AZIN2: variants seen among roughly 807,000 people sequenced by gnomAD.
The protein encoded by AZIN2 is ODC antizyme inhibitor-2.
Under a neutral mutation model 47.8 loss-of-function variants are expected in AZIN2, and 28 were observed. That is an observed-to-expected ratio of 0.59 (90% CI 0.43 to 0.80). The LOEUF is 0.80. Among genes scored for constraint, AZIN2 ranks in the 30% least tolerant of loss-of-function variants. The pLI is 0.00. For missense variants in AZIN2, 535 were observed against 582.5 expected, an observed-to-expected ratio of 0.92 and a Z score of 0.84; for synonymous variants, 221 against 239.4, an observed-to-expected ratio of 0.92 and a Z score of 0.71.
At chr1:33,146,464 A>C in the AZIN2 span, 1 of 158,888 alleles carries the variant, frequency 6.3e-6, no homozygotes, top group African/African-American at 2.4e-5. Context: ...CTTTTAGGCT[A>C]ATGGGCTCTG....
chr1:33,115,416 A>G (rs1401262137), intron 10 of AZIN2, among the ~76,000 whole-genome samples: 1 of 152,130 alleles, frequency 6.6e-6, no homozygotes. Flanking sequence ...TTAAAAAAAA[A>G]AAAATAGGCT....
intron 10 of AZIN2, among the ~76,000 whole-genome samples, chr1:33,105,774 A>G (rs971664167): frequency 6.6e-6 from 1 of 152,226 alleles, no homozygotes; most frequent in Non-Finnish European, 1.5e-5. Flanking sequence ...ACAAATGTGT[A>G]TGAGCACTTC....
the AZIN2 span, among the ~76,000 whole-genome samples, chr1:33,157,804 T>C: frequency 2.0e-5 from 3 of 152,052 alleles, no homozygotes; most frequent in African/African-American, 7.2e-5. Context: ...TTGCCCAGGC[T>C]GGAGTGCAGT....
the AZIN2 span, among the ~76,000 whole-genome samples, chr1:33,131,955 GC>G: frequency 2.0e-5 from 3 of 152,138 alleles, no homozygotes; most frequent in African/African-American, 4.8e-5. Flanking sequence ...GATTGCAAGG[GC>G]CTTCTGAATC....
intron 5 of AZIN2, among the ~76,000 whole-genome samples, chr1:33,085,743 T>C (rs974744265): frequency 1.3e-5 from 2 of 152,124 alleles, no homozygotes; most frequent in African/African-American, 4.8e-5. Flanking sequence ...TGCTTCCTCT[T>C]ATCTTTGGGC....
the AZIN2 span, among the ~76,000 whole-genome samples, chr1:33,138,646 GAAAA>G: frequency 7.4e-6 from 1 of 134,682 alleles, no homozygotes; most frequent in Non-Finnish European, 1.6e-5. Context: ...AAAAAAAAAA[GAAAA>G]GGAAAGAAAG....
In AZIN2 at chr1:33,098,190, C is replaced by A; in HGVS notation, c.1029+11C>A. ...CCCATCCTGCAGAAGGTGAGCTTAC[C>A]CCACGTGGGCCTGTTTTCAGTTGTG... On this transcript the variant is annotated intron_variant, in intron 10 of 11. Transcript: ENST00000294517. 6.3e-7 allele frequency: 1 copy of A among 1,575,604 alleles called. No homozygotes were observed. Among genetic ancestry groups the A allele is most frequent in the Non-Finnish European group, 8.7e-7 (1 of 1,152,498 alleles).
chr1:33,091,524 G>C (rs1557677204), intron 5 of AZIN2, among the ~76,000 whole-genome samples: 1 of 145,186 alleles, frequency 6.9e-6, no homozygotes, highest in Non-Finnish European at 1.5e-5. Flanking sequence ...ACAGGCGTGA[G>C]CCACTGCGCC....
At chr1:33,158,992 C>A in the AZIN2 span, among the ~76,000 whole-genome samples, 1 of 152,102 alleles carries the variant, frequency 6.6e-6, no homozygotes, top group Admixed American at 6.5e-5. Flanking sequence ...AGGTGCCTGC[C>A]ACCACGCCCG....
intron 10 of AZIN2, among the ~76,000 whole-genome samples, chr1:33,110,444 T>C (rs1424273349): frequency 6.6e-6 from 1 of 152,170 alleles, no homozygotes; most frequent in East Asian, 1.9e-4. Context: ...ACTTCATATA[T>C]TGGAATTATC....
intron 11 of AZIN2, chr1:33,118,323 G>A: frequency 4.0e-6 from 2 of 502,246 alleles, no homozygotes; most frequent in Non-Finnish European, 6.7e-6. Flanking sequence ...CCTGAGGGAG[G>A]CACAGAGAAG....
intron 10 of AZIN2, among the ~76,000 whole-genome samples, chr1:33,099,918 T>G (rs1643532416): frequency 6.6e-6 from 1 of 152,202 alleles, no homozygotes; most frequent in South Asian, 2.1e-4. Context: ...GCTGGGGGTA[T>G]CCGTACCTTC....
downstream of AZIN2, among the ~76,000 whole-genome samples, chr1:33,127,236 G>A (rs930214517): frequency 1.3e-5 from 2 of 152,236 alleles, no homozygotes; most frequent in East Asian, 1.9e-4. Context: ...AACCATGACT[G>A]CTCAGCTTCC....
At chr1:33,129,009 G>T in the AZIN2 span, among the ~76,000 whole-genome samples, 1 of 152,172 alleles carries the variant, frequency 6.6e-6, no homozygotes, top group African/African-American at 2.4e-5. This position sits in a 1 kb window ranked among gnomAD's most constrained non-coding sequence, Gnocchi z 4.1. Flanking sequence ...AGCAGGTCTT[G>T]GTGAATGAGT....
chr1:33,151,935 C>T, the AZIN2 span, among the ~76,000 whole-genome samples: 2 of 152,260 alleles, frequency 1.3e-5, no homozygotes, highest in Admixed American at 6.5e-5. Flanking sequence ...AGGCTTCGAA[C>T]ATGCAGAGGC....
rs1644783382 is a variant in AZIN2, at chr1:33,121,026, A to G, written c.*844A>G. ...AGTGCCTGTTAGAACAGGGCTGGCC[A>G]CGGAGTATTGCTGTGTCCAGTGCCG... On this transcript the variant is annotated 3_prime_UTR_variant, in exon 12 of 12. Coordinates refer to ENST00000294517, the MANE Select transcript of AZIN2 (RefSeq NM_052998.4). Among the ~76,000 whole-genome samples, 1 of 152,250 alleles carries G rather than the reference A, an allele frequency of 6.6e-6. No individual in the cohort carries two copies. Among genetic ancestry groups the G allele is most frequent in the African/African-American group, 2.4e-5 (1 of 41,558 alleles).
Position 33,120,591 on chromosome 1 carries a change from C to T in AZIN2, c.*409C>T, listed in dbSNP as rs971980103. 3.4e-5 allele frequency: 6 copies of T among 176,568 alleles called. No homozygotes were observed. The highest frequency in any genetic ancestry group is 1.4e-4 in the African/African-American group (6 of 41,796). 10.9% of individuals were successfully genotyped at this position (176,568 alleles called of 1,614,324 possible). A position where few individuals can be genotyped will look rare whatever the true frequency, so the allele number is the denominator to read the frequency against. The stretch of plus-strand genomic sequence containing the variant: ...GGGCTAGGCCTGGGGCAGGATTTCC[C>T]CATCACTCACTGATGAGCCCACACC... On this transcript the variant is annotated 3_prime_UTR_variant, in exon 12 of 12. Coordinates refer to ENST00000294517, the MANE Select transcript of AZIN2 (RefSeq NM_052998.4).
chr1:33,154,180 G>A, the AZIN2 span, among the ~76,000 whole-genome samples: 5 of 152,252 alleles, frequency 3.3e-5, no homozygotes, highest in Non-Finnish European at 7.3e-5. Flanking sequence ...CTAAAGATGG[G>A]CCGGGTGTGG....
At chr1:33,154,985 C>T in the AZIN2 span, among the ~76,000 whole-genome samples, 2 of 146,260 alleles carry the variant, frequency 1.4e-5, no homozygotes, top group African/African-American at 2.5e-5. Flanking sequence ...CCCAGCTACT[C>T]GGGAGGCTGA....
Sources: gnomAD v4.1 joint callset for allele counts (sites outside exome capture counted in the v4.1 genomes callset) on GRCh38, gnomAD v4.1.1 for gene constraint, Gnocchi (gnomAD v3.1) non-coding constraint, MANE v1.5 for transcripts, NCBI Gene and HGNC (gene_info 2026-07-23, HGNC 2026-07-21) for gene names.